The following ANO3 variants were observed in gnomAD, a reference collection of about 807,000 sequenced individuals.
The protein encoded by ANO3 is anoctamin-3.
ANO3 carries 99 observed loss-of-function variants against 144.8 expected under a neutral mutation model. That is an observed-to-expected ratio of 0.68 (90% CI 0.58 to 0.81). The LOEUF is 0.81. Ranked by LOEUF, ANO3 falls within the 30% of genes least tolerant of loss-of-function variation. The probability of loss-of-function intolerance (pLI) is 0.00; values close to 1 mark genes in which losing one functional copy is unlikely to be tolerated. For missense variants in ANO3, 905 were observed against 1,202.2 expected, an observed-to-expected ratio of 0.75 and a Z score of 3.66; for synonymous variants, 414 against 392.6, an observed-to-expected ratio of 1.05 and a Z score of -0.64.
At chr11:26,609,260 C>T (rs575639812) in intron 17 of ANO3, among the ~76,000 whole-genome samples, 22 of 152,252 alleles carry the variant, frequency 1.4e-4, no homozygotes, top group African/African-American at 3.6e-4. Flanking sequence ...GCACACCAGC[C>T]GCCTAGTCAA....
intron 14 of ANO3, among the ~76,000 whole-genome samples, chr11:26,592,479 C>A (rs1851482275): frequency 6.6e-6 from 1 of 151,554 alleles, no homozygotes. Flanking sequence ...TTTATTACCT[C>A]TTGGGCCTTT....
intron 1 of ANO3, among the ~76,000 whole-genome samples, chr11:26,344,933 T>C (rs1174609847): frequency 6.9e-6 from 1 of 144,372 alleles, no homozygotes; most frequent in Non-Finnish European, 1.5e-5. Flanking sequence ...TCCATATTAA[T>C]TCATGTTTTA....
At chr11:26,496,062 A>T in intron 4 of ANO3, among the ~76,000 whole-genome samples, 1 of 152,202 alleles carries the variant, frequency 6.6e-6, no homozygotes, top group East Asian at 1.9e-4. Flanking sequence ...CAAGGTAATG[A>T]ATATTCTGGG....
At chr11:26,425,123 AGAGACT>A (rs1857882914) in intron 1 of ANO3, among the ~76,000 whole-genome samples, 1 of 151,956 alleles carries the variant, frequency 6.6e-6, no homozygotes, top group Non-Finnish European at 1.5e-5. Context: ...CAGAAAGCTA[AGAGACT>A]GAGTACTTTT....
At chr11:26,491,385 G>T (rs912482716) in intron 4 of ANO3, among the ~76,000 whole-genome samples, 5 of 152,122 alleles carry the variant, frequency 3.3e-5, no homozygotes, top group Non-Finnish European at 7.4e-5. Flanking sequence ...CAACAACTTC[G>T]ATTGACACAT....
chr11:26,305,256 A>G (rs528488350), upstream of ANO3, among the ~76,000 whole-genome samples: 4 of 152,132 alleles, frequency 2.6e-5, no homozygotes, highest in South Asian at 4.1e-4. Flanking sequence ...GCATGATTCA[A>G]TCTGGTTTAG....
intron 5 of ANO3, among the ~76,000 whole-genome samples, chr11:26,512,607 C>CTCTATACATT: frequency 6.6e-6 from 1 of 152,290 alleles, no homozygotes; most frequent in East Asian, 1.9e-4. Flanking sequence ...TGATAAAAAT[C>CTCTATACATT]TCTATACATT....
At chr11:26,479,868 C>T (rs1259387704) in intron 4 of ANO3, among the ~76,000 whole-genome samples, 1 of 152,144 alleles carries the variant, frequency 6.6e-6, no homozygotes, top group Non-Finnish European at 1.5e-5. Context: ...GCAGTGCTTC[C>T]ACTTTCTCTT....
Position 26,443,763 on chromosome 11 carries a change from A to C in ANO3, c.242-2A>C, listed in dbSNP as rs140279191. 6.3e-5 allele frequency: 65 copies of C among 1,034,280 alleles called. No individual in the cohort carries two copies. In the African/African-American group the frequency reaches 9.5e-4, roughly 15 times the overall value. The allele number at this position is 1,034,280 out of a possible 1,614,324, so 64.1% of individuals were successfully genotyped here. ...ACTACAAAGTATCTTATTTTATTTC[A>C]GTTAATACTGAGGAGAATAAAAACG... On this transcript the variant is annotated splice_acceptor_variant, in intron 2 of 26. Coordinates refer to ENST00000256737, the MANE Select transcript of ANO3 (RefSeq NM_031418.4). LOFTEE classifies it high-confidence loss of function.
intron 1 of ANO3, among the ~76,000 whole-genome samples, chr11:26,431,697 G>C (rs1858096429): frequency 6.6e-6 from 1 of 152,136 alleles, no homozygotes; most frequent in Non-Finnish European, 1.5e-5. Context: ...AGGGCCTCCA[G>C]CTCCATCCAT....
At chr11:26,425,751 T>C (rs916708581) in intron 1 of ANO3, among the ~76,000 whole-genome samples, 1 of 152,014 alleles carries the variant, frequency 6.6e-6, no homozygotes, top group African/African-American at 2.4e-5. Context: ...ATAGGGAGGG[T>C]GGTGGAAGTA....
intron 1 of ANO3, among the ~76,000 whole-genome samples, chr11:26,207,568 A>G (rs1287129506): frequency 6.6e-6 from 1 of 152,192 alleles, no homozygotes; most frequent in East Asian, 1.9e-4. Context: ...GCATGCTTTT[A>G]TAATTTATTT....
chr11:26,276,254 C>T (rs1351927021), intron 1 of ANO3, among the ~76,000 whole-genome samples: 1 of 151,998 alleles, frequency 6.6e-6, no homozygotes, highest in Non-Finnish European at 1.5e-5. Context: ...ACCTAAGACT[C>T]TTGTGAAAAA....
chr11:26,485,475 T>C (rs1405831095), intron 4 of ANO3, among the ~76,000 whole-genome samples: 1 of 152,174 alleles, frequency 6.6e-6, no homozygotes, highest in Non-Finnish European at 1.5e-5. Context: ...TTAAGATTCC[T>C]GAGGCCTCCC....
rs111972372 is a variant in ANO3 at position 26,273,226 on chromosome 11, G to GTT, written c.155-36401_155-36400dup. ...TTTCAGTAAGGGATTGCCTTTTAAAGTTTTTTTTTTTTTTTTTTTATATTG... is the reference window on the plus strand; with the variant it reads ...TTTCAGTAAGGGATTGCCTTTTAAAGTTTTTTTTTTTTTTTTTTTTTATATTG... On this transcript the variant is annotated intron_variant, in intron 1 of 27. Coordinates refer to the ANO3 transcript ENST00000672621. 3.0e-3 allele frequency among the ~76,000 whole-genome samples: 381 copies of GTT among 127,748 alleles called. 5 individuals are homozygous for GTT. Among genetic ancestry groups the GTT allele is most frequent in the African/African-American group, 8.6e-3 (295 of 34,416 alleles). 83.8% of individuals were successfully genotyped at this position (127,748 alleles called of 152,430 possible). A position where few individuals can be genotyped will look rare whatever the true frequency, so the allele number is the denominator to read the frequency against.
chr11:26,510,127 C>G (rs1861602165), intron 5 of ANO3, among the ~76,000 whole-genome samples: 1 of 94,450 alleles, frequency 1.1e-5, no homozygotes, highest in Admixed American at 1.2e-4. Context: ...TGCGAGACTC[C>G]ATCTCAAAAA....
intron 1 of ANO3, among the ~76,000 whole-genome samples, chr11:26,273,450 G>A (rs1241464787): frequency 6.6e-6 from 1 of 151,922 alleles, no homozygotes; most frequent in African/African-American, 2.4e-5. Context: ...AGAAAATATC[G>A]TGGAAGTCTG....
intron 17 of ANO3, among the ~76,000 whole-genome samples, chr11:26,609,678 G>T (rs1232959566): frequency 6.6e-6 from 1 of 151,568 alleles, no homozygotes; most frequent in African/African-American, 2.4e-5. Context: ...CTTCACTATT[G>T]TAAATTGTGC....
chr11:26,489,251 A>G (rs7112683), intron 4 of ANO3, among the ~76,000 whole-genome samples: 138,076 of 152,152 alleles, frequency 0.91, 63,294 homozygotes, highest in South Asian at 0.97. Flanking sequence ...GACTTCAGAC[A>G]GTGGAAGCCT....
Sources: gnomAD v4.1 joint callset for allele counts (sites outside exome capture counted in the v4.1 genomes callset) on GRCh38, gnomAD v4.1.1 for gene constraint, MANE v1.5 for transcripts, NCBI Gene and HGNC (gene_info 2026-07-23, HGNC 2026-07-21) for gene names.